Variants in CYB5R3 observed in about 807,000 individuals in gnomAD.
The protein encoded by CYB5R3 is NADH-cytochrome b5 reductase 3.
Under a neutral mutation model 36.5 loss-of-function variants are expected in CYB5R3, and 28 were observed. That is an observed-to-expected ratio of 0.77 (90% CI 0.57 to 1.05). CYB5R3 has a LOEUF of 1.05. CYB5R3 is among the 50% of genes least tolerant of loss of function. The pLI is 0.00. For synonymous variants in CYB5R3, 181 were observed against 159.8 expected (o/e 1.13, Z -1.00); for missense variants, 474 against 408.9 (o/e 1.16, Z -1.37).
At chr22:42,626,775 G>A (rs1372985807) in intron 7 of CYB5R3, among the ~76,000 whole-genome samples, 1 of 152,214 alleles carries the variant, frequency 6.6e-6, no homozygotes, top group African/African-American at 2.4e-5. Flanking sequence ...ACAGATGAGG[G>A]AGTGAAGCTC....
chr22:42,644,335 G>A (rs1235181077), intron 1 of CYB5R3: 2 of 701,300 alleles, frequency 2.9e-6, no homozygotes, highest in African/African-American at 1.7e-5. Context: ...ACCCACCATA[G>A]CTCCCCACTG....
At chr22:42,643,460 C>A in intron 1 of CYB5R3, among the ~76,000 whole-genome samples, 1 of 138,278 alleles carries the variant, frequency 7.2e-6, no homozygotes, top group African/African-American at 2.6e-5. Context: ...CACCCCCCAC[C>A]CTGCAACGGC....
At chr22:42,632,748 C>T (rs1302648170) in intron 2 of CYB5R3, 1 of 152,418 alleles carries the variant, frequency 6.6e-6, no homozygotes, top group Admixed American at 6.5e-5. Context: ...ATGAGATGGC[C>T]AGGCGTGGTG....
intron 7 of CYB5R3, 29 bp from the exon 8 acceptor site, chr22:42,623,917 A>G (rs1372166725): frequency 5.7e-6 from 9 of 1,591,594 alleles, no homozygotes; most frequent in Non-Finnish European, 7.8e-6. Flanking sequence ...GGCAGTCAGG[A>G]AGGATGGGTG....
At chr22:42,638,138 A>G (rs5751316) in intron 1 of CYB5R3, among the ~76,000 whole-genome samples, 92,606 of 151,756 alleles carry the variant, frequency 0.61, 28,500 homozygotes, top group East Asian at 0.88. Context: ...GCTCACGCCT[A>G]TAATCCCAGC....
At chr22:42,628,042 A>G (rs1928385989) in intron 5 of CYB5R3, 110 bp downstream of exon 5, 4 of 1,468,016 alleles carry the variant, frequency 2.7e-6, no homozygotes, top group South Asian at 2.3e-5. Context: ...TGGCCTGACG[A>G]GAGTCACCCA....
At chr22:42,625,972 CA>C (rs1928246653) in intron 7 of CYB5R3, among the ~76,000 whole-genome samples, 1 of 152,128 alleles carries the variant, frequency 6.6e-6, no homozygotes, top group South Asian at 2.1e-4. Flanking sequence ...CCAAGGTTTG[CA>C]AAAACGTAAA....
rs1207922791 is a variant in CYB5R3, at chr22:42,643,688, AC to A, written c.21+5606del. Among the ~76,000 whole-genome samples the A allele has an allele frequency of 9.2e-5, 14 of 151,770 alleles. No homozygotes were observed. The South Asian group carries it at 2.9e-3, about 32-fold the overall frequency. On this transcript the variant is annotated intron_variant, in intron 1 of 8. Transcript: ENST00000352397. ...CACCCAGCTGGGGTCTCTGGCCACC[AC>A]CCATTTAATCAGCATGGCCCAGGTG...
At chr22:42,638,561 A>C in intron 1 of CYB5R3, among the ~76,000 whole-genome samples, 2 of 144,160 alleles carry the variant, frequency 1.4e-5, no homozygotes. Context: ...AAAAAAAAAG[A>C]CCCTAAAAGT....
chr22:42,641,834 T>C (rs1650382781), intron 1 of CYB5R3, among the ~76,000 whole-genome samples: 1 of 152,046 alleles, frequency 6.6e-6, no homozygotes, highest in South Asian at 2.1e-4. Flanking sequence ...TTGGCCAGGC[T>C]GGTCTCATCG....
chr22:42,641,652 A>C (rs1461730386), intron 1 of CYB5R3, among the ~76,000 whole-genome samples: 1 of 152,074 alleles, frequency 6.6e-6, no homozygotes, highest in Non-Finnish European at 1.5e-5. Flanking sequence ...CACCCAGTTA[A>C]TTTTTGTATC....
At chr22:42,639,904 ACCTGGT>A in intron 1 of CYB5R3, 1 of 1,503,080 alleles carries the variant, frequency 6.7e-7, no homozygotes, top group Non-Finnish European at 8.9e-7. Flanking sequence ...GTCTGATCAC[ACCTGGT>A]CCAACAACAC....
At chr22:42,630,824 G>A in intron 4 of CYB5R3, 58 bp downstream of exon 4, 3 of 1,426,724 alleles carry the variant, frequency 2.1e-6, no homozygotes, top group South Asian at 1.2e-5. Flanking sequence ...GTCCACATGG[G>A]CTGTTGCCAT....
chr22:42,644,605 C>T, intron 1 of CYB5R3: 3 of 1,493,772 alleles, frequency 2.0e-6, no homozygotes, highest in East Asian at 5.0e-5. Context: ...CTGGTCCCTT[C>T]TGGAAACTCC....
chr22:42,646,465 G>A (rs929051643), intron 1 of CYB5R3, among the ~76,000 whole-genome samples: 13 of 152,162 alleles, frequency 8.5e-5, no homozygotes, highest in Non-Finnish European at 1.6e-4. Context: ...AGAATGCCCT[G>A]CGCAGCTGCC....
chr22:42,641,531 G>A (rs1484721448), intron 1 of CYB5R3, among the ~76,000 whole-genome samples: 6 of 152,030 alleles, frequency 3.9e-5, no homozygotes. Context: ...TGTCACCCAG[G>A]CTGGAGTGCA....
At chr22:42,630,189 G>A (rs1046852138) in intron 4 of CYB5R3, among the ~76,000 whole-genome samples, 3 of 152,096 alleles carry the variant, frequency 2.0e-5, no homozygotes, top group East Asian at 1.9e-4. Flanking sequence ...TTCAGGTTCC[G>A]GGCTGCTGCC....
intron 5 of CYB5R3, among the ~76,000 whole-genome samples, 174 bp from the exon 6 acceptor site, chr22:42,627,862 C>T (rs1057152369): frequency 6.6e-6 from 1 of 152,148 alleles, no homozygotes; most frequent in Non-Finnish European, 1.5e-5. Context: ...GGCTGGGAAC[C>T]CGGAGGCTCA....
At chr22:42,630,188 C>T (rs560906113) in intron 4 of CYB5R3, among the ~76,000 whole-genome samples, 19 of 152,272 alleles carry the variant, frequency 1.2e-4, no homozygotes, top group African/African-American at 3.6e-4. Flanking sequence ...TTTCAGGTTC[C>T]GGGCTGCTGC....
Sources: gnomAD v4.1 joint callset for allele counts (sites outside exome capture counted in the v4.1 genomes callset) on GRCh38, gnomAD v4.1.1 for gene constraint, MANE v1.5 for transcripts, NCBI Gene and HGNC (gene_info 2026-07-23, HGNC 2026-07-21) for gene names.